Variants in SV2C observed in about 807,000 individuals in gnomAD.
SV2C encodes synaptic vesicle glycoprotein 2C.
SV2C carries 49 observed loss-of-function variants against 79.7 expected under a neutral mutation model. That is an observed-to-expected ratio of 0.61 (90% CI 0.49 to 0.78). SV2C has a LOEUF of 0.78. Ranked by LOEUF, SV2C falls within the 30% of genes least tolerant of loss-of-function variation. The pLI, the probability that SV2C is intolerant of heterozygous loss-of-function variation, is 0.00. For synonymous variants in SV2C, 334 were observed against 333.2 expected (o/e 1.00, Z -0.03); for missense variants, 833 against 912.9 (o/e 0.91, Z 1.13).
At chr5:76,176,971 C>T (rs535360545) in intron 2 of SV2C, among the ~76,000 whole-genome samples, 4 of 151,774 alleles carry the variant, frequency 2.6e-5, no homozygotes, top group African/African-American at 9.7e-5. Context: ...AAAAATTAGC[C>T]GAGCACGGTG....
chr5:76,030,874 G>C, the SV2C span, among the ~76,000 whole-genome samples: 1 of 152,104 alleles, frequency 6.6e-6, no homozygotes, highest in Non-Finnish European at 1.5e-5. Flanking sequence ...GCCTCTCCAG[G>C]GGTGATATTC....
chr5:76,121,500 A>T (rs1748495645), intron 1 of SV2C, among the ~76,000 whole-genome samples: 1 of 151,606 alleles, frequency 6.6e-6, no homozygotes, highest in African/African-American at 2.4e-5. Context: ...TTATGGTTTC[A>T]GGTCTAACGT....
chr5:76,340,634 A>G (rs1749424118), intron 12 of SV2C, among the ~76,000 whole-genome samples: 1 of 152,184 alleles, frequency 6.6e-6, no homozygotes, highest in Non-Finnish European at 1.5e-5. Flanking sequence ...CTCTTAGCCT[A>G]TCCGCAAAAT....
At chr5:76,303,184 A>G (rs188557227) in intron 12 of SV2C, among the ~76,000 whole-genome samples, 60 of 152,324 alleles carry the variant, frequency 3.9e-4, no homozygotes, top group African/African-American at 1.3e-3. Context: ...TTAAATATTT[A>G]GGCTCTGAAA....
At chr5:76,102,203 G>A (rs1004056778) in intron 1 of SV2C, among the ~76,000 whole-genome samples, 5 of 152,078 alleles carry the variant, frequency 3.3e-5, no homozygotes, top group African/African-American at 9.7e-5. Flanking sequence ...ATATAAATTA[G>A]CAATTCTTTA....
chr5:75,970,042 T>A, the SV2C span, among the ~76,000 whole-genome samples: 1 of 152,068 alleles, frequency 6.6e-6, no homozygotes, highest in Non-Finnish European at 1.5e-5. Flanking sequence ...CTCATCTACA[T>A]GGAAACTGAA....
chr5:75,890,521 A>G, the SV2C span, among the ~76,000 whole-genome samples: 28 of 152,100 alleles, frequency 1.8e-4, no homozygotes, highest in Non-Finnish European at 5.9e-5. Context: ...CATCACTGAT[A>G]AAAGAAAGGA....
the SV2C span, among the ~76,000 whole-genome samples, chr5:75,956,553 A>G: frequency 6.6e-6 from 1 of 151,954 alleles, no homozygotes; most frequent in South Asian, 2.1e-4. Flanking sequence ...TAAAAATAAT[A>G]ATAATAAAAA....
intron 1 of SV2C, among the ~76,000 whole-genome samples, chr5:76,098,820 A>T (rs12110148): frequency 6.6e-6 from 1 of 152,348 alleles, no homozygotes; most frequent in Non-Finnish European, 1.5e-5. Context: ...AGGTCATCTT[A>T]TACCTGTACC....
chr5:76,210,446 C>G (rs6865848), intron 4 of SV2C, among the ~76,000 whole-genome samples: 1,524 of 152,282 alleles, frequency 0.01, 34 homozygotes, highest in African/African-American at 0.035. Flanking sequence ...CAGTTTATGG[C>G]AAAGGATATG....
the SV2C span, among the ~76,000 whole-genome samples, chr5:75,997,748 G>A: frequency 6.6e-6 from 1 of 152,206 alleles, no homozygotes; most frequent in Non-Finnish European, 1.5e-5. Context: ...TGGTGGGACT[G>A]TAAACTAGTT....
intron 2 of SV2C, among the ~76,000 whole-genome samples, chr5:76,145,736 T>C (rs2112217827): frequency 6.6e-6 from 1 of 152,310 alleles, no homozygotes; most frequent in East Asian, 1.9e-4. Flanking sequence ...CCTTTCCTAA[T>C]GACTAAATTA....
intron 12 of SV2C, among the ~76,000 whole-genome samples, chr5:76,317,996 TC>T (rs1215773853): frequency 6.6e-6 from 1 of 151,820 alleles, no homozygotes; most frequent in Non-Finnish European, 1.5e-5. Flanking sequence ...CCTAGGAGCC[TC>T]AAAAAAAACC....
At chr5:76,271,764 G>A (rs1234877484) in intron 4 of SV2C, among the ~76,000 whole-genome samples, 2 of 152,054 alleles carry the variant, frequency 1.3e-5, no homozygotes, top group African/African-American at 4.8e-5. Flanking sequence ...ATCGCGCCCG[G>A]CGTATGTGCT....
At chr5:76,267,738 T>C (rs968984894) in intron 4 of SV2C, among the ~76,000 whole-genome samples, 3 of 152,236 alleles carry the variant, frequency 2.0e-5, no homozygotes, top group Non-Finnish European at 4.4e-5. Flanking sequence ...ACATTTGATG[T>C]GGCTTCTGCA....
At chr5:76,018,378 G>A in the SV2C span, among the ~76,000 whole-genome samples, 2 of 151,910 alleles carry the variant, frequency 1.3e-5, no homozygotes, top group African/African-American at 4.8e-5. Context: ...ACGGGCCTTT[G>A]TTTTCCTTCT....
chr5:76,125,063 T>C (rs1748656394), intron 1 of SV2C, among the ~76,000 whole-genome samples: 2 of 152,290 alleles, frequency 1.3e-5, no homozygotes, highest in South Asian at 4.1e-4. Context: ...ACTGCTGAGG[T>C]CTTTACCCTG....
chr5:76,344,447 G>A (rs1385705889), intron 12 of SV2C, among the ~76,000 whole-genome samples: 8 of 152,164 alleles, frequency 5.3e-5, no homozygotes, highest in East Asian at 1.9e-4. Context: ...GGTGGCTCAC[G>A]CCTGTAATCC....
In SV2C at chr5:76,319,452, G is replaced by A. The variant is rs556285928; in HGVS notation, c.2001-5912G>A. ...GAAAAAAAGAAAAGAAAAATTACAC[G>A]CTTCAGCTGCAAATATTTGAAAGAA... On this transcript the variant is annotated intron_variant, in intron 12 of 12. Transcript: ENST00000502798. 2.5e-4 allele frequency among the ~76,000 whole-genome samples: 38 copies of A among 152,154 alleles called. No individual in the cohort carries two copies. The East Asian group carries it at 3.3e-3, about 13-fold the overall frequency.
Sources: gnomAD v4.1 joint callset for allele counts (sites outside exome capture counted in the v4.1 genomes callset) on GRCh38, gnomAD v4.1.1 for gene constraint, MANE v1.5 for transcripts, NCBI Gene and HGNC (gene_info 2026-07-23, HGNC 2026-07-21) for gene names.